CREBBP: variants seen among roughly 807,000 people sequenced by gnomAD.
The protein encoded by CREBBP is CREB-binding protein.
A neutral mutation model predicts 265.0 loss-of-function variants in CREBBP; 19 were observed. That is an observed-to-expected ratio of 0.07 (90% CI 0.05 to 0.11). CREBBP has a LOEUF of 0.11. CREBBP is among the 10% of genes least tolerant of loss of function. The probability of loss-of-function intolerance (pLI) is 1.00; values close to 1 mark genes in which losing one functional copy is unlikely to be tolerated. For synonymous variants in CREBBP, 1,457 were observed against 1,223.7 expected (o/e 1.19, Z -3.98); for missense variants, 2,525 against 3,219.0 (o/e 0.78, Z 5.22).
At chr16:3,800,406 A>G (rs2053688951) in intron 3 of CREBBP, among the ~76,000 whole-genome samples, 1 of 152,170 alleles carries the variant, frequency 6.6e-6, no homozygotes, top group South Asian at 2.1e-4. Flanking sequence ...GCTATGAGCC[A>G]TTGCACCCGG....
rs551018184 is a variant in CREBBP, at chr16:3,852,035, C to CAA, written c.86-1028_86-1027dup. Among the ~76,000 whole-genome samples, 35 of 11,198 alleles carry CAA rather than the reference C, an allele frequency of 3.1e-3. 13 individuals are homozygous for CAA. The highest frequency in any genetic ancestry group is 4.6e-3 in the Admixed American group (2 of 434). The allele number at this position is 11,198 out of a possible 152,430, so 7.3% of individuals were successfully genotyped here. On this transcript the variant is annotated intron_variant, in intron 1 of 30. Transcript: ENST00000262367. ...CCTGGGCAACAGCGAGACTCCATCT[C>CAA]AAAAAAAAAAAAAAAAAAAAAAAAA...
chr16:3,725,517 C>T lies in CREBBP; in HGVS notation c.*2201G>A, dbSNP rs2051719197. The T allele has an allele frequency of 4.3e-6, 1 of 233,362 alleles. No homozygotes were observed. The highest frequency in any genetic ancestry group is 2.2e-5 in the African/African-American group (1 of 45,484). The allele number at this position is 233,362 out of a possible 1,614,324, so 14.5% of individuals were successfully genotyped here. On this transcript the variant is annotated 3_prime_UTR_variant, in exon 31 of 31. Coordinates refer to ENST00000262367, the MANE Select transcript of CREBBP (RefSeq NM_004380.3). ...ACGGGTGGAAAAGATGAAGAGGACA[C>T]TGGAGGTTAAGAACCCAGCAGGCCG... is the stretch of plus-strand genomic sequence containing the variant.
chr16:3,769,044 C>T lies in CREBBP; in HGVS notation c.3060+130G>A, dbSNP rs185924822. On this transcript the variant is annotated intron_variant, in intron 15 of 30. Transcript: ENST00000262367. Reference sequence around the variant, plus strand: ...AATCAATTTCCTATACACCAAACCCCGAACCCACATTCAAACAGAATATTT... The same window carrying T: ...AATCAATTTCCTATACACCAAACCCTGAACCCACATTCAAACAGAATATTT... The T allele has an allele frequency of 1.9e-5, 20 of 1,078,216 alleles. No individual in the cohort carries two copies. In the East Asian group the frequency reaches 3.3e-4, roughly 18 times the overall value. 66.8% of individuals were successfully genotyped at this position (1,078,216 alleles called of 1,614,324 possible).
At chr16:3,875,848 T>C (rs1210257743) in intron 1 of CREBBP, among the ~76,000 whole-genome samples, 1 of 152,162 alleles carries the variant, frequency 6.6e-6, no homozygotes, top group Non-Finnish European at 1.5e-5. Context: ...AGCACTCTGA[T>C]ACATAAAGTA....
chr16:3,801,328 A>G (rs2053708376), intron 3 of CREBBP, among the ~76,000 whole-genome samples: 2 of 152,204 alleles, frequency 1.3e-5, no homozygotes, highest in Non-Finnish European at 2.9e-5. Context: ...AATCTTACTC[A>G]TGAGAGAAAT....
At chr16:3,771,765 A>G (rs1278356194) in intron 13 of CREBBP, among the ~76,000 whole-genome samples, 1 of 151,326 alleles carries the variant, frequency 6.6e-6, no homozygotes, top group Non-Finnish European at 1.5e-5. Context: ...TGGTGACAGA[A>G]TTCATCATGC....
At chr16:3,862,979 T>C (rs1385344317) in intron 1 of CREBBP, among the ~76,000 whole-genome samples, 12 of 152,308 alleles carry the variant, frequency 7.9e-5, no homozygotes, top group Admixed American at 5.9e-4. Flanking sequence ...TAAGTTCATT[T>C]AACATGGAAA....
intron 2 of CREBBP, among the ~76,000 whole-genome samples, chr16:3,824,625 C>A (rs2054203708): frequency 6.6e-6 from 1 of 152,206 alleles, no homozygotes; most frequent in South Asian, 2.1e-4. Context: ...GTGATGGCCT[C>A]CCACCTCTGG....
At chr16:3,762,628 G>C (rs2052749711) in intron 16 of CREBBP, among the ~76,000 whole-genome samples, 1 of 152,132 alleles carries the variant, frequency 6.6e-6, no homozygotes, top group Non-Finnish European at 1.5e-5. Flanking sequence ...GGCTGTTGCA[G>C]CGCACCAGCA....
chr16:3,827,856 A>G (rs984428621), intron 2 of CREBBP, among the ~76,000 whole-genome samples: 1 of 152,076 alleles, frequency 6.6e-6, no homozygotes, highest in Non-Finnish European at 1.5e-5. Flanking sequence ...ACACCCAGCT[A>G]ATTTTTAAAA....
At chr16:3,873,001 TG>T (rs1412704198) in intron 1 of CREBBP, among the ~76,000 whole-genome samples, 2 of 152,244 alleles carry the variant, frequency 1.3e-5, no homozygotes, top group Non-Finnish European at 2.9e-5. Context: ...TCACCCTTTC[TG>T]GTTCCAGAGT....
chr16:3,740,380 A>C lies in CREBBP; in HGVS notation c.4133+19T>G. 6.2e-7 allele frequency: 1 copy of C among 1,613,862 alleles called. No individual in the cohort carries two copies. The highest frequency in any genetic ancestry group is 8.5e-7 in the Non-Finnish European group (1 of 1,179,800). ...GTGGGGACTGCTCGCAGAGCACTGT[A>C]GAGAGCAGGCACACTGACCGTGACT... On this transcript the variant is annotated intron_variant, in intron 24 of 30. Transcript: ENST00000262367.
chr16:3,804,622 A>G (rs755206045), intron 3 of CREBBP, among the ~76,000 whole-genome samples: 4 of 152,252 alleles, frequency 2.6e-5, no homozygotes, highest in Admixed American at 6.5e-5. Flanking sequence ...TGCTTCTTGC[A>G]GGACTACTGC....
At chr16:3,730,026 G>A in intron 30 of CREBBP, 152 bp from the exon 31 acceptor site, 1 of 1,296,400 alleles carries the variant, frequency 7.7e-7, no homozygotes, top group African/African-American at 1.5e-5. Context: ...ACGGACAGGT[G>A]GGAGACCCGG....
chr16:3,855,835 T>C (rs1365707075), intron 1 of CREBBP, among the ~76,000 whole-genome samples: 1 of 152,208 alleles, frequency 6.6e-6, no homozygotes, highest in Non-Finnish European at 1.5e-5. Flanking sequence ...CTGTACAATA[T>C]TTATTAAATA....
At chr16:3,869,922 T>C (rs2055259340) in intron 1 of CREBBP, among the ~76,000 whole-genome samples, 1 of 152,150 alleles carries the variant, frequency 6.6e-6, no homozygotes, top group South Asian at 2.1e-4. Context: ...CTCAGAGACT[T>C]CTCAACAGAA....
intron 1 of CREBBP, among the ~76,000 whole-genome samples, chr16:3,878,581 C>G (rs2055451025): frequency 6.6e-6 from 1 of 152,164 alleles, no homozygotes; most frequent in African/African-American, 2.4e-5. Context: ...TTTGTTTCAA[C>G]AGCAATAGCA....
intron 13 of CREBBP, 150 bp downstream of exon 13, chr16:3,773,601 G>T: frequency 1.2e-6 from 1 of 814,890 alleles, no homozygotes. Flanking sequence ...ACAGGACAAA[G>T]GTGGAGAAAA....
At chr16:3,816,528 C>CT (rs531785035) in intron 2 of CREBBP, among the ~76,000 whole-genome samples, 131 of 152,298 alleles carry the variant, frequency 8.6e-4, no homozygotes, top group African/African-American at 3.2e-3. Flanking sequence ...AATCCTGGTG[C>CT]TGAGCCTAGC....
Sources: gnomAD v4.1 joint callset for allele counts (sites outside exome capture counted in the v4.1 genomes callset) on GRCh38, gnomAD v4.1.1 for gene constraint, MANE v1.5 for transcripts, NCBI Gene and HGNC (gene_info 2026-07-23, HGNC 2026-07-21) for gene names.